STAB2: variants seen among roughly 807,000 people sequenced by gnomAD.
STAB2 encodes the protein stabilin-2.
A neutral mutation model predicts 338.1 loss-of-function variants in STAB2; 288 were observed. That is an observed-to-expected ratio of 0.85 (90% CI 0.77 to 0.94). The LOEUF (loss-of-function observed/expected upper bound fraction) is 0.94, where lower values mean the gene tolerates loss of function less well. STAB2 is among the 40% of genes least tolerant of loss of function. The pLI, the probability that STAB2 is intolerant of heterozygous loss-of-function variation, is 0.00. For missense variants in STAB2, 3,141 were observed against 3,210.1 expected (o/e 0.98, Z 0.52); for synonymous variants, 1,202 against 1,193.3 (o/e 1.01, Z -0.15).
chr12:103,751,793 C>T (rs562196247), intron 60 of STAB2, among the ~76,000 whole-genome samples: 1 of 152,318 alleles, frequency 6.6e-6, no homozygotes, highest in Non-Finnish European at 1.5e-5. Flanking sequence ...CAGCTTCTCC[C>T]ATGGGCTTTT....
chr12:103,701,876 T>C (rs1191617355), intron 34 of STAB2, among the ~76,000 whole-genome samples: 3 of 152,082 alleles, frequency 2.0e-5, no homozygotes. Flanking sequence ...CATTTTAATA[T>C]TGCTGTAACA....
chr12:103,646,982 T>TGAGA lies in STAB2; in HGVS notation c.1041-1707_1041-1704dup, dbSNP rs1873383969. Among the ~76,000 whole-genome samples the TGAGA allele has an allele frequency of 2.0e-5, 3 of 152,294 alleles. No individual in the cohort carries two copies. In the South Asian group the frequency reaches 6.2e-4, roughly 32 times the overall value. ...AGCATTCCTGGTGGGACAAACAGGC[T>TGAGA]GAGAAAGGCATAACAGCCTAAAAAA... On this transcript the variant is annotated intron_variant, in intron 9 of 68. Coordinates refer to ENST00000388887, the MANE Select transcript of STAB2 (RefSeq NM_017564.10).
At chr12:103,589,015 C>CA in intron 1 of STAB2, among the ~76,000 whole-genome samples, 1 of 152,184 alleles carries the variant, frequency 6.6e-6, no homozygotes. Flanking sequence ...CAGTAACTCA[C>CA]AGGGTGACCT....
At chr12:103,644,281 A>G (rs1299511499) in intron 9 of STAB2, among the ~76,000 whole-genome samples, 2 of 149,018 alleles carry the variant, frequency 1.3e-5, no homozygotes, top group Non-Finnish European at 3.0e-5. Flanking sequence ...TCAGGGTTAA[A>G]TGGATTAAGG....
At chr12:103,708,301 A>G in intron 38 of STAB2, 140 bp from the exon 39 acceptor site, 1 of 779,634 alleles carries the variant, frequency 1.3e-6, no homozygotes, top group Non-Finnish European at 2.1e-6. Context: ...CCTTTTTGTG[A>G]TTCAAGACCC....
intron 56 of STAB2, among the ~76,000 whole-genome samples, chr12:103,744,853 T>C (rs1489048432): frequency 6.6e-6 from 1 of 152,176 alleles, no homozygotes; most frequent in Admixed American, 6.5e-5. Context: ...GCGTACCCCA[T>C]GATACTCTCT....
In STAB2 at chr12:103,644,714, G is replaced by A. The variant is rs936770359; in HGVS notation, c.1041-3976G>A. Among the ~76,000 whole-genome samples the A allele has an allele frequency of 1.4e-4, 21 of 151,844 alleles. 1 individual carries two copies. Among genetic ancestry groups the A allele is most frequent in the Non-Finnish European group, 2.9e-4 (20 of 68,006 alleles). ...ATGATAGGTACAAAAAATATAAACAGATAGAATGAATAAGACCTAGCATTT... is the reference window on the plus strand; with the variant it reads ...ATGATAGGTACAAAAAATATAAACAAATAGAATGAATAAGACCTAGCATTT... On this transcript the variant is annotated intron_variant, in intron 9 of 68. Transcript: ENST00000388887.
In STAB2 at chr12:103,620,655, G is replaced by A. The variant is rs141723731; in HGVS notation, c.417+102G>A. 1,363 of 843,982 alleles carry A rather than the reference G, an allele frequency of 1.6e-3. 3 individuals are homozygous for A. Among genetic ancestry groups the A allele is most frequent in the Non-Finnish European group, 2.0e-3 (1,117 of 546,966 alleles). 52.3% of individuals were successfully genotyped at this position (843,982 alleles called of 1,614,324 possible). ...CACACACACACACACACACACACAC[G>A]TGCACACACACATATACAGCGAAGT... On this transcript the variant is annotated intron_variant, in intron 4 of 68. Coordinates refer to ENST00000388887, the MANE Select transcript of STAB2 (RefSeq NM_017564.10).
At chr12:103,735,679 C>T (rs1282686472) in intron 52 of STAB2, 99 bp downstream of exon 52, 28 of 1,047,152 alleles carry the variant, frequency 2.7e-5, no homozygotes, top group Non-Finnish European at 3.6e-5. Flanking sequence ...CATTTTTTCC[C>T]CTCCATTCAT....
intron 3 of STAB2, among the ~76,000 whole-genome samples, chr12:103,606,129 C>A (rs955400137): frequency 2.0e-5 from 3 of 151,970 alleles, no homozygotes; most frequent in African/African-American, 7.2e-5. Flanking sequence ...GGCTTATTAG[C>A]TACACCCTTT....
chr12:103,594,304 A>T, intron 2 of STAB2, 91 bp from the exon 3 acceptor site: 1 of 914,054 alleles, frequency 1.1e-6, no homozygotes, highest in Non-Finnish European at 1.8e-6. Flanking sequence ...GATAAATATT[A>T]AGACCTAAAT....
At chr12:103,667,880 TTGA>T (rs1437156385) in intron 19 of STAB2, among the ~76,000 whole-genome samples, 1 of 152,222 alleles carries the variant, frequency 6.6e-6, no homozygotes, top group Non-Finnish European at 1.5e-5. Flanking sequence ...CAATATTTTC[TTGA>T]TATTTTATAA....
chr12:103,765,979 C>CTAAT (rs1279322805), intron 68 of STAB2: 2 of 487,852 alleles, frequency 4.1e-6, no homozygotes, highest in Admixed American at 5.6e-5. Context: ...AATGTAGGCT[C>CTAAT]TAATTTAATC....
chr12:103,747,354 C>T (rs1038585139), intron 58 of STAB2, among the ~76,000 whole-genome samples: 6 of 152,190 alleles, frequency 3.9e-5, no homozygotes, highest in Non-Finnish European at 7.3e-5. Context: ...TCTCATATAA[C>T]AGGTTGGAAG....
Position 103,657,044 on chromosome 12 carries a change from CAG to C in STAB2, c.1734+1465_1734+1466del, listed in dbSNP as rs371634592. On this transcript the variant is annotated intron_variant, in intron 15 of 68. Coordinates refer to ENST00000388887, the MANE Select transcript of STAB2 (RefSeq NM_017564.10). ...CAAAAGTAATCTCTTACATTGCAAA[CAG>C]ATGTTCAACATATGAAAAGATTAGT... 8.2e-4 allele frequency among the ~76,000 whole-genome samples: 125 copies of C among 152,186 alleles called. 3 individuals carry two copies. In the East Asian group the frequency reaches 0.016, roughly 20 times the overall value.
chr12:103,725,235 A>T, intron 45 of STAB2, 141 bp downstream of exon 45: 1 of 1,353,232 alleles, frequency 7.4e-7, no homozygotes, highest in Non-Finnish European at 9.9e-7. Context: ...TAAATCAGCA[A>T]TGAAAAGAAA....
intron 64 of STAB2, 77 bp downstream of exon 64, chr12:103,758,366 C>G: frequency 6.3e-7 from 1 of 1,589,920 alleles, no homozygotes; most frequent in Non-Finnish European, 8.5e-7. Flanking sequence ...TCACAAATTA[C>G]CTGAAAACTC....
At chr12:103,764,216 G>T (rs1329110261) in intron 68 of STAB2, among the ~76,000 whole-genome samples, 2 of 152,168 alleles carry the variant, frequency 1.3e-5, no homozygotes, top group Non-Finnish European at 2.9e-5. Context: ...GCCTCCCAAA[G>T]TGCTGGGATT....
At chr12:103,659,320 A>G (rs575582560) in intron 15 of STAB2, among the ~76,000 whole-genome samples, 1 of 152,350 alleles carries the variant, frequency 6.6e-6, no homozygotes, top group African/African-American at 2.4e-5. Context: ...CCCTTGGCAC[A>G]GTGACCAAGG....
Sources: gnomAD v4.1 joint callset for allele counts (sites outside exome capture counted in the v4.1 genomes callset) on GRCh38, gnomAD v4.1.1 for gene constraint, MANE v1.5 for transcripts, NCBI Gene and HGNC (gene_info 2026-07-23, HGNC 2026-07-21) for gene names.